KIF7: variants seen among roughly 807,000 people sequenced by gnomAD.
KIF7 encodes the protein kinesin family member 7.
Under a neutral mutation model 135.7 loss-of-function variants are expected in KIF7, and 104 were observed. The observed-to-expected ratio is 0.77, with a 90% CI of 0.65 to 0.90. The LOEUF is 0.90. Among genes scored for constraint, KIF7 ranks in the 40% least tolerant of loss-of-function variants. The pLI, the probability that KIF7 is intolerant of heterozygous loss-of-function variation, is 0.00. For synonymous variants in KIF7, 883 were observed against 809.4 expected, an observed-to-expected ratio of 1.09 and a Z score of -1.54; for missense variants, 2,005 against 1,839.1, an observed-to-expected ratio of 1.09 and a Z score of -1.65.
intron 5 of KIF7, 48 bp downstream of exon 5, chr15:89,648,207 C>G: frequency 6.9e-7 from 1 of 1,445,296 alleles, no homozygotes; most frequent in Non-Finnish European, 9.1e-7. Flanking sequence ...TTCCTCTCCA[C>G]CACTCCCCAC....
downstream of KIF7, chr15:89,623,745 G>T: frequency 1.2e-6 from 2 of 1,613,974 alleles, no homozygotes; most frequent in Non-Finnish European, 1.7e-6. Flanking sequence ...CTGCAAAAAT[G>T]ACCCCTACAA....
chr15:89,629,754 C>A, intron 16 of KIF7, 181 bp from the exon 17 acceptor site: 1 of 731,968 alleles, frequency 1.4e-6, no homozygotes, highest in Non-Finnish European at 2.2e-6. Flanking sequence ...TATCTTCCAA[C>A]GATCAGAGCT....
chr15:89,645,803 G>A (rs1015887658), intron 8 of KIF7, 90 bp downstream of exon 8: 3 of 1,511,710 alleles, frequency 2.0e-6, no homozygotes, highest in Non-Finnish European at 2.7e-6. Flanking sequence ...CCCCACTGCT[G>A]TCAGGAGAGG....
At chr15:89,631,779 C>G in intron 14 of KIF7, 69 bp from the exon 15 acceptor site, 1 of 1,366,176 alleles carries the variant, frequency 7.3e-7, no homozygotes, top group Non-Finnish European at 1.0e-6. Flanking sequence ...CAGAAAGGGC[C>G]GGATGTTAAG....
chr15:89,625,597 T>C (rs1963507343), downstream of KIF7: 3 of 1,612,962 alleles, frequency 1.9e-6, no homozygotes, highest in African/African-American at 4.0e-5. Context: ...CGAGGAAGCC[T>C]CTTCCTGGGG....
upstream of KIF7, among the ~76,000 whole-genome samples, chr15:89,659,253 C>T (rs1964234710): frequency 6.6e-6 from 1 of 151,962 alleles, no homozygotes; most frequent in African/African-American, 2.4e-5. Flanking sequence ...AAAAACTAGG[C>T]CTGGCATGAT....
At position 89,645,039 on chromosome 15, in the gene KIF7, T is replaced by C. The variant is rs758416079; in HGVS notation, c.2165A>G (p.Glu722Gly). ...TGTGCGGACCAGCTCGCCAATAAGC[T>C]CCTCCTTCATGCGGATGTTGATAGC... ...ELAINIRMKE[E>G]LIGELVRTGK... is the part of the protein sequence containing the mutation. Residue 722 changes from glutamate (E) to glycine (G), a missense_variant, in exon 10 of 19, where the codon GAG (glutamate) becomes GGG (glycine). Coordinates refer to ENST00000394412, the MANE Select transcript of KIF7 (RefSeq NM_198525.3). 5.0e-6 allele frequency: 8 copies of C among 1,607,758 alleles called. No homozygotes were observed. In the Admixed American group the frequency reaches 1.0e-4, roughly 20 times the overall value.
chr15:89,657,938 T>C (rs1456038635), upstream of KIF7, among the ~76,000 whole-genome samples: 1 of 152,224 alleles, frequency 6.6e-6, no homozygotes, highest in Non-Finnish European at 1.5e-5. Context: ...TTTGAAACTA[T>C]TGTAATTCAG....
At chr15:89,653,014 C>T (rs1275941548) in intron 1 of KIF7, 60 bp from the exon 2 acceptor site, 2 of 1,321,588 alleles carry the variant, frequency 1.5e-6, no homozygotes, top group Non-Finnish European at 2.0e-6. Flanking sequence ...CTGGACTCAC[C>T]CTGCAGGGGA....
At position 89,645,879 on chromosome 15, in the gene KIF7, T is replaced by C. The variant is rs1373609169; in HGVS notation, c.1922+14A>G. 2 of 1,612,584 alleles carry C rather than the reference T, an allele frequency of 1.2e-6. No individual in the cohort carries two copies. Among genetic ancestry groups the C allele is most frequent in the South Asian group, 1.1e-5 (1 of 91,018 alleles). On this transcript the variant is annotated intron_variant, in intron 8 of 18. Transcript: ENST00000394412. ...GCAGGTCCTTGTCAGGTGGGGGCAG[T>C]GGGTCCCACTCACCTGCGCAGGTGT...
At position 89,633,219 on chromosome 15, in the gene KIF7, CTT is replaced by C; in HGVS notation, c.2638_2639del (p.Lys880AspfsTer29). ...HEQQQKILKI[K>X]TEEIAAFQRK... ...TCTGGAATGCCGCGATCTCTTCCGT[CTT>C]AATCTTCAGGATCTTCTGCTGTTGC... On this transcript the variant is annotated frameshift_variant, in exon 13 of 19. Coordinates refer to ENST00000394412, the MANE Select transcript of KIF7 (RefSeq NM_198525.3). LOFTEE classifies it high-confidence loss of function. The C allele has an allele frequency of 6.3e-7, 1 of 1,594,964 alleles. No homozygotes were observed. Among genetic ancestry groups the C allele is most frequent in the Non-Finnish European group, 8.5e-7 (1 of 1,173,206 alleles).
chr15:89,627,114 C>G, downstream of KIF7: 1 of 1,613,042 alleles, frequency 6.2e-7, no homozygotes, highest in African/African-American at 1.3e-5. Flanking sequence ...CCCAAAAGAT[C>G]AAGGAGTCAG....
intron 8 of KIF7, 101 bp from the exon 9 acceptor site, chr15:89,645,552 C>A: frequency 1.1e-6 from 1 of 915,340 alleles, no homozygotes; most frequent in East Asian, 2.6e-5. Context: ...GGGTCTTCCA[C>A]CTCCCAGGGT....
At position 89,648,498 on chromosome 15, in the gene KIF7, C is replaced by T; in HGVS notation, c.1200G>A (p.Ala400=). 1 of 1,043,686 alleles carries T rather than the reference C, an allele frequency of 9.6e-7. No homozygotes were observed. Among genetic ancestry groups the T allele is most frequent in the African/African-American group, 1.7e-5 (1 of 57,702 alleles). The allele number at this position is 1,043,686 out of a possible 1,614,324, so 64.7% of individuals were successfully genotyped here. A position where few individuals can be genotyped will look rare whatever the true frequency, so the allele number is the denominator to read the frequency against. Residue 400 remains alanine (A), a synonymous_variant, in exon 5 of 19, where the codon GCG becomes GCA. Coordinates refer to ENST00000394412, the MANE Select transcript of KIF7 (RefSeq NM_198525.3). ...ACTCGGCGCCCAGGCGCATGGCGGC[C>T]GCCGCGGAGGCGGTGGCTGGGCCTG... The part of the protein sequence containing the change: ...RAPGPATASA[A]AAMRLGAECA...
intron 16 of KIF7, chr15:89,629,934 G>A (rs1450694285): frequency 1.6e-5 from 8 of 513,504 alleles, no homozygotes; most frequent in South Asian, 8.7e-5. Context: ...GTTATAGGAT[G>A]TTTAGTAACA....
intron 1 of KIF7, chr15:89,621,578 A>T (rs1272944467): frequency 6.3e-7 from 1 of 1,580,176 alleles, no homozygotes; most frequent in South Asian, 1.2e-5. Context: ...TGTTTGAAAT[A>T]ATATAATCTC....
intron 6 of KIF7, 137 bp downstream of exon 6, chr15:89,647,459 C>G (rs1964035263): frequency 1.8e-5 from 14 of 779,392 alleles, no homozygotes; most frequent in Non-Finnish European, 2.9e-5. Flanking sequence ...CACTTTCGCT[C>G]ATGTGCACCT....
chr15:89,624,269 C>A, downstream of KIF7: 1 of 1,614,192 alleles, frequency 6.2e-7, no homozygotes, highest in Non-Finnish European at 8.5e-7. Flanking sequence ...TGTGATGTCT[C>A]CAAGAAGAGT....
At chr15:89,624,468 A>G (rs1963478950), downstream of KIF7, 1 of 1,614,162 alleles carries the variant, frequency 6.2e-7, no homozygotes, top group African/African-American at 1.3e-5. Flanking sequence ...AACGGTGTAG[A>G]AAGACCTCTG....
Sources: allele counts gnomAD v4.1 joint callset (sites outside exome capture counted in the v4.1 genomes callset), GRCh38; gene constraint gnomAD v4.1.1; transcripts MANE v1.5; gene names NCBI Gene and HGNC (gene_info 2026-07-23, HGNC 2026-07-21).